Variants in CHRM3 observed in about 807,000 individuals in gnomAD.
The protein encoded by CHRM3 is cholinergic receptor muscarinic 3.
A neutral mutation model predicts 41.8 loss-of-function variants in CHRM3; 11 were observed. The ratio of observed to expected loss-of-function variants is 0.26; its 90% CI spans 0.17 to 0.44. CHRM3 has a LOEUF of 0.44. Ranked by LOEUF, CHRM3 falls within the 20% of genes least tolerant of loss-of-function variation. The pLI is 1.00. For missense variants in CHRM3, 571 were observed against 745.4 expected (o/e 0.77, Z 2.72); for synonymous variants, 297 against 301.4 (o/e 0.99, Z 0.15).
intron 1 of CHRM3, among the ~76,000 whole-genome samples, chr1:239,425,301 T>C (rs1662280762): frequency 2.6e-5 from 4 of 152,220 alleles, no homozygotes; most frequent in Admixed American, 2.6e-4. Flanking sequence ...CTCAATCATT[T>C]ATTCATTGAA....
chr1:239,493,369 C>A (rs1667678773), intron 2 of CHRM3, among the ~76,000 whole-genome samples: 4 of 152,112 alleles, frequency 2.6e-5, no homozygotes, highest in African/African-American at 7.2e-5. Flanking sequence ...ATAGACCAGG[C>A]TTCACTTGGC....
chr1:239,660,129 C>G (rs1365251509), intron 4 of CHRM3, among the ~76,000 whole-genome samples: 1 of 152,022 alleles, frequency 6.6e-6, no homozygotes. Flanking sequence ...CTTGCACTGG[C>G]TAATGGTTTT....
chr1:239,761,354 C>T (rs1439383006), intron 5 of CHRM3, among the ~76,000 whole-genome samples: 1 of 152,126 alleles, frequency 6.6e-6, no homozygotes, highest in East Asian at 1.9e-4. Context: ...ATGATATCGT[C>T]TATGTCATGT....
chr1:239,793,113 G>A (rs1669481444), intron 5 of CHRM3, among the ~76,000 whole-genome samples: 2 of 152,166 alleles, frequency 1.3e-5, no homozygotes, highest in African/African-American at 4.8e-5. Flanking sequence ...AGAAAGATAC[G>A]AATTATTGAA....
chr1:239,585,058 T>C (rs13375899), intron 3 of CHRM3, among the ~76,000 whole-genome samples: 220 of 142,710 alleles, frequency 1.5e-3, no homozygotes, highest in African/African-American at 5.7e-3. Context: ...ATTAAATATA[T>C]ATATATATAT....
intron 6 of CHRM3, among the ~76,000 whole-genome samples, chr1:239,843,367 T>C (rs1214313977): frequency 6.6e-6 from 1 of 151,940 alleles, no homozygotes; most frequent in East Asian, 1.9e-4. Context: ...ATTTATATAA[T>C]TATTTCTGGA....
intron 5 of CHRM3, among the ~76,000 whole-genome samples, chr1:239,765,263 A>AG (rs1468561049): frequency 1.3e-5 from 2 of 152,182 alleles, no homozygotes; most frequent in African/African-American, 2.4e-5. Flanking sequence ...CAGGCAACCT[A>AG]GGGATCTATC....
At chr1:239,617,198 A>G (rs1667726961) in intron 3 of CHRM3, among the ~76,000 whole-genome samples, 1 of 152,200 alleles carries the variant, frequency 6.6e-6, no homozygotes, top group Non-Finnish European at 1.5e-5. Flanking sequence ...ATCCCATTAT[A>G]ACAGTAATGG....
chr1:239,564,816 GA>G (rs947836898), intron 3 of CHRM3, among the ~76,000 whole-genome samples: 1 of 152,056 alleles, frequency 6.6e-6, no homozygotes, highest in African/African-American at 2.4e-5. Context: ...AGTTTGGAGG[GA>G]AAAAATAATA....
At chr1:239,572,092 G>T (rs1328356639) in intron 3 of CHRM3, among the ~76,000 whole-genome samples, 5 of 152,158 alleles carry the variant, frequency 3.3e-5, no homozygotes, top group Non-Finnish European at 5.9e-5. Context: ...TTTAGCTTGG[G>T]TTTAATCTAA....
intron 6 of CHRM3, among the ~76,000 whole-genome samples, chr1:239,866,238 G>C (rs535237204): frequency 1.6e-4 from 25 of 152,100 alleles, no homozygotes; most frequent in African/African-American, 4.8e-4. Flanking sequence ...TTAGCCGGGC[G>C]TGGTGGCGGG....
chr1:239,715,744 T>A (rs1364225168), intron 5 of CHRM3, among the ~76,000 whole-genome samples: 1 of 152,134 alleles, frequency 6.6e-6, no homozygotes, highest in Non-Finnish European at 1.5e-5. Context: ...AGAGTTAGGC[T>A]GGAATCAGTT....
intron 5 of CHRM3, among the ~76,000 whole-genome samples, chr1:239,787,398 G>A (rs1265986080): frequency 1.1e-5 from 1 of 94,076 alleles, no homozygotes. Context: ...TGGCAGTAAG[G>A]ATGAAGCAGA....
At chr1:239,669,431 C>T (rs1674143880) in intron 4 of CHRM3, among the ~76,000 whole-genome samples, 1 of 152,014 alleles carries the variant, frequency 6.6e-6, no homozygotes, top group Admixed American at 6.6e-5. Flanking sequence ...GCAGGCCTGG[C>T]ATTACTGTTT....
intron 2 of CHRM3, among the ~76,000 whole-genome samples, chr1:239,540,669 T>C (rs999962249): frequency 6.6e-6 from 1 of 152,192 alleles, no homozygotes; most frequent in Non-Finnish European, 1.5e-5. Flanking sequence ...ATTTTCAGCA[T>C]ACTAACTTCT....
intron 1 of CHRM3, among the ~76,000 whole-genome samples, chr1:239,415,807 C>T (rs1333632602): frequency 2.0e-5 from 3 of 152,180 alleles, no homozygotes; most frequent in African/African-American, 4.8e-5. Flanking sequence ...CAAGTAGTAT[C>T]ATCTAGGCAC....
chr1:239,514,665 G>A (rs1223801125), intron 2 of CHRM3, among the ~76,000 whole-genome samples: 1 of 152,070 alleles, frequency 6.6e-6, no homozygotes, highest in Non-Finnish European at 1.5e-5. Flanking sequence ...AAAAAGAGTA[G>A]TAGGAGGGTA....
intron 5 of CHRM3, among the ~76,000 whole-genome samples, chr1:239,681,401 G>C (rs1244827808): frequency 1.3e-5 from 2 of 152,168 alleles, no homozygotes; most frequent in Non-Finnish European, 2.9e-5. Context: ...GAAGCTAAGT[G>C]GAAATTTGGG....
chr1:239,552,577 C>A (rs1659970385), intron 3 of CHRM3, among the ~76,000 whole-genome samples: 1 of 147,556 alleles, frequency 6.8e-6, no homozygotes, highest in African/African-American at 2.5e-5. Context: ...TCTTTTCACC[C>A]CAGTCTCCCA....
Sources: allele counts gnomAD v4.1 joint callset (sites outside exome capture counted in the v4.1 genomes callset), GRCh38; gene constraint gnomAD v4.1.1; transcripts MANE v1.5; gene names NCBI Gene and HGNC (gene_info 2026-07-23, HGNC 2026-07-21).